Variants in R3HCC1 observed in about 807,000 individuals in gnomAD.
R3HCC1 encodes R3H and coiled-coil domain-containing protein 1.
A neutral mutation model predicts 40.0 loss-of-function variants in R3HCC1; 32 were observed. The observed-to-expected ratio is 0.80, with a 90% CI of 0.60 to 1.07. R3HCC1 has a LOEUF of 1.07. Among genes scored for constraint, R3HCC1 ranks in the 50% least tolerant of loss-of-function variants. The pLI is 0.00. For missense variants in R3HCC1, 586 were observed against 563.3 expected (o/e 1.04, Z -0.41); for synonymous variants, 237 against 232.8 (o/e 1.02, Z -0.17).
intron 4 of R3HCC1, 31 bp downstream of exon 4, chr8:23,290,500 G>C: frequency 6.5e-7 from 1 of 1,527,096 alleles, no homozygotes; most frequent in Non-Finnish European, 8.8e-7. Flanking sequence ...GAAAAGGGAG[G>C]GCGGAGGTGA....
rs1802844993 is a variant in R3HCC1, at chr8:23,290,527, G to T, written c.852+58G>T. ...CGGAGGTGAGGTGGGTGTGGCCGTGGGTGGATGGGGACCAAGGGTTATGGT... is the reference window on the plus strand; with the variant it reads ...CGGAGGTGAGGTGGGTGTGGCCGTGTGTGGATGGGGACCAAGGGTTATGGT... On this transcript the variant is annotated intron_variant, in intron 4 of 7. Coordinates refer to ENST00000265806, the MANE Select transcript of R3HCC1 (RefSeq NM_001136108.3). 76 of 1,496,624 alleles carry T rather than the reference G, an allele frequency of 5.1e-5. 1 individual carries two copies. In the South Asian group the frequency reaches 9.6e-4, roughly 19 times the overall value. The allele number at this position is 1,496,624 out of a possible 1,614,324, so 92.7% of individuals were successfully genotyped here.
At position 23,293,369 on chromosome 8, in the gene R3HCC1, C is replaced by T. The variant is rs1226986219; in HGVS notation, c.1092C>T (p.Ala364=). 14 of 1,550,800 alleles carry T rather than the reference C, an allele frequency of 9.0e-6. No individual in the cohort carries two copies. Among genetic ancestry groups the T allele is most frequent in the Admixed American group, 2.0e-5 (1 of 50,978 alleles). ...CACTCGGCATCTTTCCCTGCCTGGC[C>T]TCAGGTAAGGCACCCCCAGTGGGCC... is the stretch of plus-strand genomic sequence containing the variant. Residue 364 remains alanine (A), a synonymous_variant, in exon 6 of 8, where the codon GCC becomes GCT. Coordinates refer to ENST00000265806, the MANE Select transcript of R3HCC1 (RefSeq NM_001136108.3).
Position 23,290,484 on chromosome 8 carries a change from G to A in R3HCC1, c.852+15G>A. The A allele has an allele frequency of 6.5e-7, 1 of 1,540,402 alleles. No homozygotes were observed. Among genetic ancestry groups the A allele is most frequent in the Admixed American group, 2.0e-5 (1 of 50,336 alleles). On this transcript the variant is annotated intron_variant, in intron 4 of 7. Transcript: ENST00000265806. ...TGCTGCAGGAGGTGATGAGGCTCTT[G>A]AGCCCGAAAAGGGAGGGCGGAGGTG...
intron 1 of R3HCC1, 64 bp downstream of exon 1, chr8:23,288,221 A>G: frequency 8.3e-7 from 1 of 1,206,792 alleles, no homozygotes; most frequent in Non-Finnish European, 1.1e-6. Context: ...GGGAAGGAGC[A>G]GCTGGGCTGC....
Position 23,296,099 on chromosome 8 carries a change from G to C in R3HCC1, c.*2G>C, listed in dbSNP as rs1803011737. 1.9e-6 allele frequency: 3 copies of C among 1,548,566 alleles called. No individual in the cohort carries two copies. The highest frequency in any genetic ancestry group is 2.6e-6 in the Non-Finnish European group (3 of 1,146,182). On this transcript the variant is annotated 3_prime_UTR_variant, in exon 8 of 8. Transcript: ENST00000265806. ...GTCCGGGGTCCGCTGCCGCCCTGAG[G>C]CCTGGAGACCCAACTGGCCTGGATC...
intron 3 of R3HCC1, 103 bp downstream of exon 3, chr8:23,289,256 G>A (rs1802807663): frequency 2.3e-6 from 3 of 1,303,026 alleles, no homozygotes; most frequent in Admixed American, 4.9e-5. Context: ...CCAGGGCTGG[G>A]ACCCCCGGCT....
rs1177436841 is a variant in R3HCC1, at chr8:23,290,267, G to A, written c.650G>A (p.Gly217Glu). 2 of 1,551,612 alleles carry A rather than the reference G, an allele frequency of 1.3e-6. No individual in the cohort carries two copies. The highest frequency in any genetic ancestry group is 2.7e-5 in the African/African-American group (2 of 73,038). Residue 217 changes from glycine to glutamate, a missense_variant, in exon 4 of 8, where the codon GGG (glycine) becomes GAG (glutamate). Physicochemically the swap from Gly to Glu is moderately conservative, Grantham distance 98. Transcript: ENST00000265806. ...GACCCTGTTGGCCCTGAGCCTCTGG[G>A]GCCTGAGAGTCAGTCAGGGAAGGGA...
intron 7 of R3HCC1, 104 bp downstream of exon 7, chr8:23,294,968 C>G: frequency 1.2e-6 from 1 of 863,270 alleles, no homozygotes; most frequent in Non-Finnish European, 1.9e-6. Flanking sequence ...GCAGGGTCTT[C>G]CCCTCTGTTA....
intron 2 of R3HCC1, 95 bp downstream of exon 2, chr8:23,288,728 T>A: frequency 1.4e-6 from 2 of 1,455,236 alleles, no homozygotes; most frequent in Non-Finnish European, 1.8e-6. Context: ...GCCTGGCAGC[T>A]GGCTCTGACC....
At chr8:23,288,433 G>A (rs1461622852) in intron 1 of R3HCC1, 73 bp from the exon 2 acceptor site, 3 of 1,517,082 alleles carry the variant, frequency 2.0e-6, no homozygotes, top group Admixed American at 4.0e-5. Context: ...CCCTTTCGGT[G>A]CCGGCGTTGC....
chr8:23,293,578 C>T (rs1352424940), intron 6 of R3HCC1, among the ~76,000 whole-genome samples: 1 of 152,260 alleles, frequency 6.6e-6, no homozygotes, highest in South Asian at 2.1e-4. Context: ...GAAGCCCTTC[C>T]TATTGTGTTA....
Position 23,289,096 on chromosome 8 carries a change from G to C in R3HCC1, c.191G>C (p.Ser64Thr), listed in dbSNP as rs1802803704. ...GCAGAGAATTTTGATCTCTTGAGCA[G>C]CTTCTCCGTTGGGGAGGGCTGGAAG... Residue 64 changes from serine (S) to threonine (T), a missense_variant, in exon 3 of 8, where the codon AGC becomes ACC. Ser to Thr is a moderately conservative substitution (Grantham distance 58). Transcript: ENST00000265806. 2.0e-6 allele frequency: 3 copies of C among 1,536,456 alleles called. No homozygotes were observed. Among genetic ancestry groups the C allele is most frequent in the Admixed American group, 2.0e-5 (1 of 51,002 alleles).
chr8:23,288,464 G>C, intron 1 of R3HCC1, 42 bp from the exon 2 acceptor site: 2 of 1,532,180 alleles, frequency 1.3e-6, no homozygotes, highest in Non-Finnish European at 1.7e-6. Context: ...GAGATCCGGG[G>C]GTCTGTGCTC....
intron 5 of R3HCC1, 50 bp from the exon 6 acceptor site, chr8:23,293,253 G>GT: frequency 6.8e-7 from 1 of 1,463,874 alleles, no homozygotes; most frequent in Non-Finnish European, 9.3e-7. Context: ...TCGAAGAGGA[G>GT]TTTGACTGCT....
At chr8:23,294,002 C>G (rs910582931) in intron 6 of R3HCC1, among the ~76,000 whole-genome samples, 2 of 152,318 alleles carry the variant, frequency 1.3e-5, no homozygotes, top group South Asian at 4.1e-4. Flanking sequence ...CGCGCCACGC[C>G]CCCTTTACTG....
At chr8:23,294,912 T>A in intron 7 of R3HCC1, 48 bp downstream of exon 7, 1 of 1,299,530 alleles carries the variant, frequency 7.7e-7, no homozygotes, top group Non-Finnish European at 1.1e-6. Flanking sequence ...TGTGTGTGTG[T>A]GCGTGCGAGC....
Position 23,289,878 on chromosome 8 carries a change from G to C in R3HCC1, c.261G>C (p.Ser87=). 3.3e-6 allele frequency: 5 copies of C among 1,517,996 alleles called. No individual in the cohort carries two copies. Among genetic ancestry groups the C allele is most frequent in the Non-Finnish European group, 4.4e-6 (5 of 1,136,326 alleles). The allele number at this position is 1,517,996 out of a possible 1,614,324, so 94.0% of individuals were successfully genotyped here. Residue 87 remains serine (S), a synonymous_variant, in exon 4 of 8, where the codon TCG becomes TCC. Transcript: ENST00000265806. The stretch of plus-strand genomic sequence containing the variant: ...ATTCCTGCTCCAGGGTACCCAGTTC[G>C]GATGGCCTCTCTGGCCCCTGCCGCG...
rs755440066 is a variant in R3HCC1 at position 23,288,141 on chromosome 8, C to A, written c.-35C>A. 2 of 1,250,166 alleles carry A rather than the reference C, an allele frequency of 1.6e-6. No individual in the cohort carries two copies. The highest frequency in any genetic ancestry group is 1.0e-6 in the Non-Finnish European group (1 of 972,552). The allele number at this position is 1,250,166 out of a possible 1,614,324, so 77.4% of individuals were successfully genotyped here. A position where few individuals can be genotyped will look rare whatever the true frequency, so the allele number is the denominator to read the frequency against. ...CTGGGGACGCCGAGGGCGGCTGCGA[C>A]GCGCCGAGAGGCCGCGGTGAGTGCA... On this transcript the variant is annotated 5_prime_UTR_variant, in exon 1 of 8. Transcript: ENST00000265806.
Position 23,290,061 on chromosome 8 carries a change from A to G in R3HCC1, c.444A>G (p.Glu148=). 1 of 1,548,116 alleles carries G rather than the reference A, an allele frequency of 6.5e-7. No individual in the cohort carries two copies. The highest frequency in any genetic ancestry group is 8.7e-7 in the Non-Finnish European group (1 of 1,146,968). ...CCCGGGTGCTGCGCAGGCAGGAAGA[A>G]TGGGGGCTGACCTCTACCTCGGTGC... Residue 148 remains glutamate, a synonymous_variant, in exon 4 of 8, where the codon GAA becomes GAG. Transcript: ENST00000265806.
Sources: allele counts gnomAD v4.1 joint callset (sites outside exome capture counted in the v4.1 genomes callset), GRCh38; gene constraint gnomAD v4.1.1; transcripts MANE v1.5; gene names NCBI Gene and HGNC (gene_info 2026-07-23, HGNC 2026-07-21).